Variants in SVEP1 observed in about 807,000 individuals in gnomAD.
SVEP1 encodes the protein sushi, von Willebrand factor type A, EGF and pentraxin domain containing 1.
In SVEP1, 164 loss-of-function variants were observed where a neutral mutation model predicts 367.3. That is an observed-to-expected ratio of 0.45 (90% CI 0.39 to 0.51). SVEP1 has a LOEUF of 0.51. SVEP1 is among the 20% of genes least tolerant of loss of function. SVEP1 has a pLI of 0.00. For synonymous variants in SVEP1, 1,666 were observed against 1,611.6 expected, an observed-to-expected ratio of 1.03 and a Z score of -0.81; for missense variants, 4,117 against 4,425.3, an observed-to-expected ratio of 0.93 and a Z score of 1.98.
Position 110,482,462 on chromosome 9 carries a change from G to T in SVEP1, c.2069C>A (p.Thr690Lys), listed in dbSNP as rs771878438. Residue 690 changes from threonine (T) to lysine (K), a missense_variant, in exon 11 of 48, where the codon ACA (threonine) becomes AAA (lysine). Transcript: ENST00000374469. ...CCCTTGAGGGAAAAGGTCTCCTTGT[G>T]TATGACTTCTGGTAATGACCAATTC... Reference protein sequence around the residue: ...GAELVITRSHTQGDLFPQGET... With the variant: ...GAELVITRSHKQGDLFPQGET... 3.2e-5 allele frequency: 50 copies of T among 1,585,208 alleles called. No homozygotes were observed. The highest frequency in any genetic ancestry group is 4.0e-5 in the Non-Finnish European group (46 of 1,164,446).
chr9:110,377,635 G>C (rs905250195), intron 44 of SVEP1, among the ~76,000 whole-genome samples: 34 of 152,296 alleles, frequency 2.2e-4, no homozygotes, highest in African/African-American at 7.7e-4. Context: ...TTTGATTTAT[G>C]TATAGATTGT....
chr9:110,494,977 T>A (rs937301947), intron 8 of SVEP1, among the ~76,000 whole-genome samples: 1 of 152,178 alleles, frequency 6.6e-6, no homozygotes, highest in Admixed American at 6.5e-5. Flanking sequence ...TCCTAGTATA[T>A]TTCTCTGGTC....
At chr9:110,543,042 T>C (rs1830172762) in intron 3 of SVEP1, among the ~76,000 whole-genome samples, 1 of 151,206 alleles carries the variant, frequency 6.6e-6, no homozygotes, top group Non-Finnish European at 1.5e-5. Context: ...TGGTCCTGGA[T>C]GACTTAGAGC....
chr9:110,542,974 AT>A lies in SVEP1; in HGVS notation c.964+3140del, dbSNP rs1367740563. Among the ~76,000 whole-genome samples, 1,376 of 139,970 alleles carry A rather than the reference AT, an allele frequency of 9.8e-3. 22 individuals are homozygous for A. Among genetic ancestry groups the A allele is most frequent in the African/African-American group, 0.036 (1,290 of 36,182 alleles). The allele number at this position is 139,970 out of a possible 152,430, so 91.8% of individuals were successfully genotyped here. ...GAACTTAAAGTATAATTAAAAAAAA[AT>A]ATATATATATATATATAAAATAAAA... On this transcript the variant is annotated intron_variant, in intron 3 of 47. Coordinates refer to ENST00000374469, the MANE Select transcript of SVEP1 (RefSeq NM_153366.4).
chr9:110,410,352 A>C (rs1362616313), intron 37 of SVEP1, among the ~76,000 whole-genome samples: 1 of 152,152 alleles, frequency 6.6e-6, no homozygotes, highest in African/African-American at 2.4e-5. Context: ...GTTGGACTGA[A>C]CTCTTTTGTC....
In SVEP1 at chr9:110,479,692, A is replaced by T; in HGVS notation, c.2430T>A (p.Asp810Glu). Residue 810 changes from aspartate to glutamate, a missense_variant, in exon 13 of 48, where the codon GAT (aspartate) becomes GAA (glutamate). Physicochemically the swap from Asp to Glu is conservative, Grantham distance 45. Coordinates refer to ENST00000374469, the MANE Select transcript of SVEP1 (RefSeq NM_153366.4). Reference sequence around the variant, plus strand: ...AAAACTTCTTCATCAGATCTGTGTCATCACAACGAGCTGCTTTGTAGAACA... The same window carrying T: ...AAAACTTCTTCATCAGATCTGTGTCTTCACAACGAGCTGCTTTGTAGAACA... The part of the protein sequence containing the change: ...FEMFYKAARC[D>E]DTDLMKKFSE... 6.2e-7 allele frequency: 1 copy of T among 1,611,310 alleles called. No individual in the cohort carries two copies. The highest frequency in any genetic ancestry group is 8.5e-7 in the Non-Finnish European group (1 of 1,179,036).
chr9:110,385,127 T>A (rs1253638115), intron 43 of SVEP1, among the ~76,000 whole-genome samples: 1 of 152,112 alleles, frequency 6.6e-6, no homozygotes, highest in Non-Finnish European at 1.5e-5. Context: ...ATTACAGGTG[T>A]GTGCCACCAC....
intron 21 of SVEP1, among the ~76,000 whole-genome samples, chr9:110,456,678 T>A (rs992184085): frequency 6.6e-6 from 1 of 152,208 alleles, no homozygotes; most frequent in Non-Finnish European, 1.5e-5. Flanking sequence ...TTAATTGCAA[T>A]TTTAAGGTAT....
chr9:110,564,048 G>A (rs1830460673), intron 1 of SVEP1, among the ~76,000 whole-genome samples: 1 of 152,218 alleles, frequency 6.6e-6, no homozygotes, highest in South Asian at 2.1e-4. Context: ...GCAGTGGACT[G>A]AAGAGTGGGG....
chr9:110,425,144 G>A (rs1828232686), intron 36 of SVEP1, among the ~76,000 whole-genome samples: 1 of 151,962 alleles, frequency 6.6e-6, no homozygotes, highest in African/African-American at 2.4e-5. Flanking sequence ...TTTAATTTCA[G>A]AAAAATAAAA....
chr9:110,571,900 G>A (rs1830567579), intron 1 of SVEP1, among the ~76,000 whole-genome samples: 1 of 152,180 alleles, frequency 6.6e-6, no homozygotes. Flanking sequence ...GCTATCTCCT[G>A]ATTTTAAAAT....
In SVEP1 at chr9:110,536,990, C is replaced by T. The variant is rs373775890; in HGVS notation, c.964+9125G>A. Among the ~76,000 whole-genome samples the T allele has an allele frequency of 1.5e-3, 227 of 152,034 alleles. 1 individual carries two copies. Among genetic ancestry groups the T allele is most frequent in the Middle Eastern group, 6.8e-3 (2 of 294 alleles). On this transcript the variant is annotated intron_variant, in intron 3 of 47. Coordinates refer to ENST00000374469, the MANE Select transcript of SVEP1 (RefSeq NM_153366.4). ...CAGAAATTGAGAAAGTGAATGATTG[C>T]GATGATTGTGTAACAACTCCTTTTG...
chr9:110,399,409 A>C (rs542237139), intron 40 of SVEP1, among the ~76,000 whole-genome samples: 2 of 152,256 alleles, frequency 1.3e-5, no homozygotes, highest in South Asian at 2.1e-4. Flanking sequence ...TAATGGGTGC[A>C]CCACACCAAC....
intron 3 of SVEP1, among the ~76,000 whole-genome samples, chr9:110,537,261 A>G (rs1182877328): frequency 1.3e-5 from 2 of 151,994 alleles, no homozygotes; most frequent in Non-Finnish European, 2.9e-5. Flanking sequence ...GAAAAAAGGA[A>G]ATAAAATTGA....
At chr9:110,566,150 T>C (rs528950643) in intron 1 of SVEP1, among the ~76,000 whole-genome samples, 16 of 151,782 alleles carry the variant, frequency 1.1e-4, no homozygotes, top group African/African-American at 3.4e-4. Flanking sequence ...AAACCACATC[T>C]CTACAAAAAA....
chr9:110,408,270 C>T lies in SVEP1; in HGVS notation c.7330G>A (p.Glu2444Lys). 6.2e-7 allele frequency: 1 copy of T among 1,613,974 alleles called. No homozygotes were observed. The highest frequency in any genetic ancestry group is 1.1e-5 in the South Asian group (1 of 91,074). Residue 2444 changes from glutamate to lysine, a missense_variant, in exon 38 of 48, where the codon GAG becomes AAG. Around this residue, in one of 4 missense-constraint regions of SVEP1, gnomAD observed 1,765 missense variants for 1,781.1 expected, o/e 0.99. Coordinates refer to ENST00000374469, the MANE Select transcript of SVEP1 (RefSeq NM_153366.4). Reference sequence around the variant, plus strand: ...TCAATGATTCCATTGGGGATTTCCTCAGGTTGGGGACATTCTACTGGAACA... The same window carrying T: ...TCAATGATTCCATTGGGGATTTCCTTAGGTTGGGGACATTCTACTGGAACA... ...ECVPVECPQPEEIPNGIIDVQ... is the reference protein window; with the variant it reads ...ECVPVECPQPKEIPNGIIDVQ...
intron 23 of SVEP1, among the ~76,000 whole-genome samples, 179 bp downstream of exon 23, chr9:110,451,110 C>G (rs1353522395): frequency 2.0e-5 from 3 of 152,114 alleles, no homozygotes; most frequent in Non-Finnish European, 4.4e-5. Flanking sequence ...GACCTGCATG[C>G]CCTTTTACCC....
chr9:110,416,312 A>T (rs183615991), intron 36 of SVEP1, among the ~76,000 whole-genome samples: 2 of 152,124 alleles, frequency 1.3e-5, no homozygotes, highest in Non-Finnish European at 2.9e-5. Flanking sequence ...AAAAGTGACT[A>T]TGAAAAAATG....
intron 39 of SVEP1, among the ~76,000 whole-genome samples, chr9:110,404,125 C>T (rs1356167006): frequency 6.6e-6 from 1 of 152,158 alleles, no homozygotes; most frequent in Non-Finnish European, 1.5e-5. Context: ...CTAACCCTGG[C>T]ACTTTCTTAG....
Sources: allele counts gnomAD v4.1 joint callset (sites outside exome capture counted in the v4.1 genomes callset), GRCh38; gene constraint gnomAD v4.1.1; regional missense constraint gnomAD v4.1.1; transcripts MANE v1.5; gene names NCBI Gene and HGNC (gene_info 2026-07-23, HGNC 2026-07-21).